WDR25: variants seen among roughly 807,000 people sequenced by gnomAD.
WDR25 encodes WD repeat-containing protein 25.
In WDR25, 35 loss-of-function variants were observed where a neutral mutation model predicts 47.7. That is an observed-to-expected ratio of 0.73 (90% CI 0.56 to 0.97). The LOEUF is 0.97. Among genes scored for constraint, WDR25 ranks in the 50% least tolerant of loss-of-function variants. WDR25 has a pLI of 0.00. For synonymous variants in WDR25, 248 were observed against 278.9 expected (o/e 0.89, Z 1.10); for missense variants, 634 against 704.7 (o/e 0.90, Z 1.14).
chr14:100,439,551 C>G (rs188165477), intron 2 of WDR25, among the ~76,000 whole-genome samples: 1 of 152,198 alleles, frequency 6.6e-6, no homozygotes, highest in Admixed American at 6.5e-5. Context: ...ACTTGCAAAC[C>G]TAATGCCTGT....
intron 1 of WDR25, 110 bp from the exon 2 acceptor site, chr14:100,380,800 T>C (rs1896866063): frequency 1.9e-6 from 2 of 1,079,148 alleles, no homozygotes; most frequent in Non-Finnish European, 1.3e-6. Context: ...GGCCTGTGTT[T>C]ATTCTTATGA....
intron 2 of WDR25, among the ~76,000 whole-genome samples, chr14:100,390,250 T>G (rs939060658): frequency 6.6e-6 from 1 of 152,234 alleles, no homozygotes; most frequent in Non-Finnish European, 1.5e-5. Flanking sequence ...CTTTGAAAGT[T>G]TTCCTGTTTT....
rs563156646 is a variant in WDR25 at position 100,392,937 on chromosome 14, T to A, written c.822+11191T>A. Among the ~76,000 whole-genome samples the A allele has an allele frequency of 6.6e-6, 1 of 152,266 alleles. No homozygotes were observed. The highest frequency in any genetic ancestry group is 1.5e-5 in the Non-Finnish European group (1 of 68,046). On this transcript the variant is annotated intron_variant, in intron 2 of 6. Transcript: ENST00000402312. This position sits in a 1 kb window ranked among gnomAD's most constrained non-coding sequence, Gnocchi z 4.2. Reference sequence around the variant, plus strand: ...TTTTCATGGGTCCAGATACGTCTCTTGTCAGATTGCTTTCCAAAAGGATTA... The same window carrying A: ...TTTTCATGGGTCCAGATACGTCTCTAGTCAGATTGCTTTCCAAAAGGATTA...
At chr14:100,518,719 C>T (rs1226909787) in intron 4 of WDR25, among the ~76,000 whole-genome samples, 2 of 151,922 alleles carry the variant, frequency 1.3e-5, no homozygotes, top group East Asian at 1.9e-4. Flanking sequence ...GGTGACACCC[C>T]GTCTCTACTA....
intron 2 of WDR25, among the ~76,000 whole-genome samples, chr14:100,436,466 G>A (rs1393419904): frequency 6.6e-6 from 1 of 152,188 alleles, no homozygotes; most frequent in African/African-American, 2.4e-5. Flanking sequence ...GTTTCACATT[G>A]AGCTTACATG....
intron 2 of WDR25, 171 bp downstream of exon 2, chr14:100,381,917 G>T: frequency 1.5e-6 from 1 of 647,088 alleles, no homozygotes; most frequent in South Asian, 1.9e-5. Context: ...CGGGTTGTGG[G>T]TTCCTTCTGC....
At chr14:100,467,028 C>A (rs1899653378) in intron 2 of WDR25, among the ~76,000 whole-genome samples, 1 of 152,238 alleles carries the variant, frequency 6.6e-6, no homozygotes, top group East Asian at 1.9e-4. Flanking sequence ...TATCTTAGAT[C>A]ATTTTTCAGA....
At chr14:100,527,183 C>G (rs1474497350) in intron 5 of WDR25, among the ~76,000 whole-genome samples, 1 of 151,892 alleles carries the variant, frequency 6.6e-6, no homozygotes, top group Non-Finnish European at 1.5e-5. Flanking sequence ...CTATCTCTAT[C>G]ACCACCACTG....
rs1341567456 is a variant in WDR25, at chr14:100,490,013, C to A, written c.1101+5889C>A. Among the ~76,000 whole-genome samples, 5 of 152,314 alleles carry A rather than the reference C, an allele frequency of 3.3e-5. No individual in the cohort carries two copies. In the East Asian group the frequency reaches 9.6e-4, roughly 29 times the overall value. On this transcript the variant is annotated intron_variant, in intron 4 of 6. Transcript: ENST00000402312. The stretch of plus-strand genomic sequence containing the variant: ...TATTATTTTTAAATTTGTAAAGGGA[C>A]ATTTTGACTTCCAGATCTTGACTTG...
intron 2 of WDR25, among the ~76,000 whole-genome samples, chr14:100,426,697 G>T (rs904642639): frequency 6.6e-6 from 1 of 152,180 alleles, no homozygotes; most frequent in African/African-American, 2.4e-5. Context: ...CCAGAGTCCG[G>T]CTATCCATCT....
intron 3 of WDR25, among the ~76,000 whole-genome samples, chr14:100,479,680 C>T (rs1020071801): frequency 2.0e-5 from 3 of 152,208 alleles, no homozygotes; most frequent in Non-Finnish European, 2.9e-5. Flanking sequence ...TTCAGTGAAT[C>T]TCTTCCCAGT....
At chr14:100,389,303 G>A (rs183357198) in intron 2 of WDR25, among the ~76,000 whole-genome samples, 4 of 152,268 alleles carry the variant, frequency 2.6e-5, no homozygotes, top group Non-Finnish European at 5.9e-5. Flanking sequence ...TAATCATATG[G>A]TAGGTACTTT....
intron 2 of WDR25, among the ~76,000 whole-genome samples, chr14:100,420,063 G>C (rs544250776): frequency 6.6e-6 from 1 of 152,342 alleles, no homozygotes; most frequent in East Asian, 1.9e-4. Context: ...GTCTGTAACT[G>C]TGGCTATGAG....
intron 4 of WDR25, among the ~76,000 whole-genome samples, chr14:100,508,742 T>C (rs1471373850): frequency 6.6e-6 from 1 of 152,144 alleles, no homozygotes; most frequent in African/African-American, 2.4e-5. Context: ...TAGATGTTGG[T>C]TTTTCATAGA....
At chr14:100,504,033 C>T (rs1178326833) in intron 4 of WDR25, among the ~76,000 whole-genome samples, 2 of 152,216 alleles carry the variant, frequency 1.3e-5, no homozygotes, top group Non-Finnish European at 2.9e-5. Flanking sequence ...AAAATTATGG[C>T]CATGCTTATT....
intron 2 of WDR25, among the ~76,000 whole-genome samples, chr14:100,423,692 A>G (rs1461886223): frequency 1.3e-5 from 2 of 152,182 alleles, no homozygotes; most frequent in African/African-American, 2.4e-5. Flanking sequence ...AACACTCTGA[A>G]CACTATTTGC....
At chr14:100,464,293 A>G (rs538126742) in intron 2 of WDR25, among the ~76,000 whole-genome samples, 1 of 152,242 alleles carries the variant, frequency 6.6e-6, no homozygotes, top group South Asian at 2.1e-4. Flanking sequence ...TCACCTCCTC[A>G]GAGAGGTCCT....
At chr14:100,427,431 T>C (rs1469566098) in intron 2 of WDR25, among the ~76,000 whole-genome samples, 1 of 152,138 alleles carries the variant, frequency 6.6e-6, no homozygotes, top group Non-Finnish European at 1.5e-5. Context: ...CCCAGCTTGA[T>C]CACAGTCAGC....
In WDR25 at chr14:100,428,840, G is replaced by T. The variant is rs568542062; in HGVS notation, c.823-39181G>T. On this transcript the variant is annotated intron_variant, in intron 2 of 6. Transcript: ENST00000402312. This position sits in a 1 kb window ranked among gnomAD's most constrained non-coding sequence, Gnocchi z 4.3. ...TCATATGAATTAATTTCATGAAATTGGTTTGTTTTTCTTCTTCCATTTCAT... is the reference window on the plus strand; with the variant it reads ...TCATATGAATTAATTTCATGAAATTTGTTTGTTTTTCTTCTTCCATTTCAT... 2.4e-4 allele frequency among the ~76,000 whole-genome samples: 37 copies of T among 152,210 alleles called. No homozygotes were observed. Among genetic ancestry groups the T allele is most frequent in the African/African-American group, 8.2e-4 (34 of 41,538 alleles).
Sources: gnomAD v4.1 joint callset for allele counts (sites outside exome capture counted in the v4.1 genomes callset) on GRCh38, gnomAD v4.1.1 for gene constraint, Gnocchi (gnomAD v3.1) non-coding constraint, MANE v1.5 for transcripts, NCBI Gene and HGNC (gene_info 2026-07-23, HGNC 2026-07-21) for gene names.